Variants in GEMIN2 observed in about 807,000 individuals in gnomAD.
GEMIN2 encodes gem-associated protein 2.
A neutral mutation model predicts 45.8 loss-of-function variants in GEMIN2; 37 were observed. The observed-to-expected ratio is 0.81, with a 90% confidence interval of 0.62 to 1.06. The LOEUF (loss-of-function observed/expected upper bound fraction) is 1.06. GEMIN2 is among the 50% of genes least tolerant of loss of function. The probability of loss-of-function intolerance (pLI) is 0.00; values close to 1 mark genes in which losing one functional copy is unlikely to be tolerated. For missense variants in GEMIN2, 335 were observed against 321.8 expected (o/e 1.04, Z -0.31); for synonymous variants, 101 against 111.5 (o/e 0.91, Z 0.60).
chr14:39,128,325 GA>G lies in GEMIN2; in HGVS notation c.580del (p.Arg194GlufsTer29). On this transcript the variant is annotated frameshift_variant, in exon 7 of 10. Transcript: ENST00000308317. LOFTEE classifies it high-confidence loss of function. The stretch of plus-strand genomic sequence containing the variant: ...GGAATATCTGAGTAATTGGTTTGGA[GA>G]AAGAGACTTTACTCCAGAATTGGTA... ...VLEYLSNWFGERDFTPELGRW... is the reference protein window; with the variant it reads ...VLEYLSNWFGXRDFTPELGRW... 6.3e-7 allele frequency: 1 copy of G among 1,577,556 alleles called. No individual in the cohort carries two copies. Among genetic ancestry groups the G allele is most frequent in the Non-Finnish European group, 8.7e-7 (1 of 1,153,752 alleles).
chr14:39,127,707 C>T (rs570307955), intron 6 of GEMIN2, among the ~76,000 whole-genome samples: 1 of 151,994 alleles, frequency 6.6e-6, no homozygotes, highest in Non-Finnish European at 1.5e-5. Flanking sequence ...TTAATAGTTA[C>T]AAACTAAATC....
rs1184317713 is a variant in GEMIN2 at position 39,114,343 on chromosome 14, C to A, written c.5C>A (p.Ala2Glu). 6.2e-7 allele frequency: 1 copy of A among 1,613,750 alleles called. No homozygotes were observed. The highest frequency in any genetic ancestry group is 1.3e-5 in the African/African-American group (1 of 74,936). The change falls in exon 1 of 10, where the codon GCG (alanine) becomes GAG (glutamate). Residue 2 changes from alanine (A) to glutamate (E), a missense_variant. Transcript: ENST00000308317. ...GAACTGGCTGGTTTGAAAACCATGG[C>A]GTGGGTACCAGCGGAGTCCGCAGTG... Reference protein sequence around the residue: MAWVPAESAVEE... With the variant: MEWVPAESAVEE...
At chr14:39,129,412 T>A (rs35006421) in intron 7 of GEMIN2, among the ~76,000 whole-genome samples, 44,422 of 152,004 alleles carry the variant, frequency 0.29, 7,645 homozygotes, top group Non-Finnish European at 0.38. Flanking sequence ...TTATTTATTT[T>A]TTATTTATTT....
intron 4 of GEMIN2, 56 bp from the exon 5 acceptor site, chr14:39,122,374 G>A: frequency 3.5e-6 from 3 of 849,406 alleles, no homozygotes; most frequent in South Asian, 1.6e-5. Context: ...TTTTTTTACT[G>A]TTCAGTGTAA....
intron 2 of GEMIN2, among the ~76,000 whole-genome samples, chr14:39,117,587 A>G (rs61999428): frequency 0.13 from 20,237 of 152,160 alleles, 1,399 homozygotes; most frequent in Middle Eastern, 0.17. Flanking sequence ...TAGTCACTCT[A>G]CTGTGCTATT....
chr14:39,114,557 A>C, intron 1 of GEMIN2, 82 bp downstream of exon 1: 1 of 1,053,370 alleles, frequency 9.5e-7, no homozygotes, highest in South Asian at 1.5e-5. Flanking sequence ...TTCCCGTTCC[A>C]GTCTGTTGCG....
At chr14:39,125,107 A>T in intron 6 of GEMIN2, 71 bp downstream of exon 6, 1 of 777,252 alleles carries the variant, frequency 1.3e-6, no homozygotes, top group Non-Finnish European at 2.3e-6. Context: ...AATTGTTAAT[A>T]CATATACTGA....
chr14:39,119,368 G>C (rs979809820), intron 4 of GEMIN2, among the ~76,000 whole-genome samples: 2 of 152,082 alleles, frequency 1.3e-5, no homozygotes, highest in South Asian at 4.1e-4. Context: ...CATGTATATT[G>C]TCATGCATAT....
chr14:39,128,284 C>G lies in GEMIN2; in HGVS notation c.536C>G (p.Thr179Arg), dbSNP rs1183761954. ...LSIVSRMNQA[T>R]VTSVLEYLSN... ...ACCCCCTCTTTTTTTTTTTAGGCAA[C>G]AGTAACTAGTGTCTTGGAATATCTG... is the stretch of plus-strand genomic sequence containing the variant. Residue 179 changes from threonine (T) to arginine (R), a missense_variant, in exon 7 of 10, where the codon ACA (threonine) becomes AGA (arginine). Transcript: ENST00000308317. 3 of 1,527,730 alleles carry G rather than the reference C, an allele frequency of 2.0e-6. No individual in the cohort carries two copies. In the South Asian group the frequency reaches 3.5e-5, roughly 18 times the overall value. The allele number at this position is 1,527,730 out of a possible 1,614,324, so 94.6% of individuals were successfully genotyped here. A position where few individuals can be genotyped will look rare whatever the true frequency, so the allele number is the denominator to read the frequency against.
chr14:39,125,083 T>C lies in GEMIN2; in HGVS notation c.531+47T>C, dbSNP rs189641900. 276 of 911,230 alleles carry C rather than the reference T, an allele frequency of 3.0e-4. 4 individuals carry two copies. In the East Asian group the frequency reaches 5.5e-3, roughly 18 times the overall value. The allele number at this position is 911,230 out of a possible 1,614,324, so 56.4% of individuals were successfully genotyped here. ...TATGCATTCTTTTGTTTGCATTGTG[T>C]GTGAAAGTATTTGAATTGTTAATAC... On this transcript the variant is annotated intron_variant, in intron 6 of 9. Transcript: ENST00000308317.
At chr14:39,128,258 C>T (rs1355723904) in intron 6 of GEMIN2, 22 bp from the exon 7 acceptor site, 9 of 1,370,516 alleles carry the variant, frequency 6.6e-6, no homozygotes, top group East Asian at 2.3e-5. Flanking sequence ...AACTCTTCTC[C>T]ACCCCCTCTT....
intron 2 of GEMIN2, 114 bp from the exon 3 acceptor site, chr14:39,117,885 A>G (rs534016236): frequency 8.3e-6 from 4 of 484,244 alleles, no homozygotes; most frequent in Admixed American, 4.1e-5. Flanking sequence ...ATTTTCTTGT[A>G]TAATCTTTAT....
intron 2 of GEMIN2, among the ~76,000 whole-genome samples, chr14:39,117,448 T>G (rs2052523456): frequency 6.6e-6 from 1 of 152,218 alleles, no homozygotes; most frequent in African/African-American, 2.4e-5. Flanking sequence ...ATGTGATATT[T>G]TGATACATGC....
chr14:39,122,812 C>T, intron 5 of GEMIN2: 1 of 274,764 alleles, frequency 3.6e-6, no homozygotes, highest in Non-Finnish European at 6.7e-6. Flanking sequence ...TTTATTAGCT[C>T]TTCAACCTAA....
intron 2 of GEMIN2, among the ~76,000 whole-genome samples, chr14:39,116,049 C>CT (rs752478065): frequency 4.4e-3 from 653 of 147,874 alleles, no homozygotes; most frequent in Middle Eastern, 0.021. Context: ...CTTTTTCCCC[C>CT]TTTTTTTTTT....
At position 39,131,773 on chromosome 14, in the gene GEMIN2, A is replaced by G. The variant is rs2052719089; in HGVS notation, c.601-185A>G. The G allele has an allele frequency of 6.3e-6, 3 of 474,174 alleles. No homozygotes were observed. In the South Asian group the frequency reaches 1.2e-4, roughly 19 times the overall value. The allele number at this position is 474,174 out of a possible 1,614,324, so 29.4% of individuals were successfully genotyped here. A position where few individuals can be genotyped will look rare whatever the true frequency, so the allele number is the denominator to read the frequency against. ...TATCCAATGTCCTGTGTCTGTAATT[A>G]TAGGATACAAGAGATAACACCTGGC... On this transcript the variant is annotated intron_variant, in intron 7 of 9. Coordinates refer to ENST00000308317, the MANE Select transcript of GEMIN2 (RefSeq NM_003616.3).
rs537005172 is a variant in GEMIN2, at chr14:39,122,362, T to C, written c.373-68T>C. The C allele has an allele frequency of 1.1e-5, 7 of 650,828 alleles. No homozygotes were observed. The African/African-American group carries it at 1.3e-4, about 12-fold the overall frequency. The allele number at this position is 650,828 out of a possible 1,614,324, so 40.3% of individuals were successfully genotyped here. A position where few individuals can be genotyped will look rare whatever the true frequency, so the allele number is the denominator to read the frequency against. On this transcript the variant is annotated intron_variant, in intron 4 of 9. Coordinates refer to ENST00000308317, the MANE Select transcript of GEMIN2 (RefSeq NM_003616.3). The stretch of plus-strand genomic sequence containing the variant: ...TGGGAATATGGAAGGACTTAACTTC[T>C]TTTTTTTTACTGTTCAGTGTAAAAA...
chr14:39,116,158 CCT>C (rs1648087489), intron 2 of GEMIN2, among the ~76,000 whole-genome samples: 2 of 151,916 alleles, frequency 1.3e-5, no homozygotes, highest in African/African-American at 2.4e-5. Flanking sequence ...GCCTCAGCCC[CCT>C]GAGTAGCTAG....
intron 7 of GEMIN2, among the ~76,000 whole-genome samples, chr14:39,128,554 A>G (rs2052677129): frequency 7.4e-6 from 1 of 134,270 alleles, no homozygotes; most frequent in African/African-American, 2.9e-5. Flanking sequence ...GCAGTATTAC[A>G]ATCATAGCTC....
Sources: gnomAD v4.1 joint callset for allele counts (sites outside exome capture counted in the v4.1 genomes callset) on GRCh38, gnomAD v4.1.1 for gene constraint, MANE v1.5 for transcripts, NCBI Gene and HGNC (gene_info 2026-07-23, HGNC 2026-07-21) for gene names.